Variants in DYRK1A observed in about 807,000 individuals in gnomAD.
DYRK1A encodes the protein dual specificity tyrosine phosphorylation regulated kinase 1A, also known as dual specificity tyrosine-phosphorylation-regulated kinase 1A.
A neutral mutation model predicts 79.7 loss-of-function variants in DYRK1A; 9 were observed. That is an observed-to-expected ratio of 0.11 (90% CI 0.07 to 0.20). DYRK1A has a LOEUF of 0.20. Ranked by LOEUF, DYRK1A falls within the 10% of genes least tolerant of loss-of-function variation. The pLI is 1.00. For missense variants in DYRK1A, 622 were observed against 956.0 expected (o/e 0.65, Z 4.61); for synonymous variants, 349 against 329.7 (o/e 1.06, Z -0.63).
rs148324284 is a variant in DYRK1A at position 37,444,355 on chromosome 21, CTGCAGGAAGGA to C, written c.10+23973_10+23983del. Among the ~76,000 whole-genome samples the C allele has an allele frequency of 9.0e-3, 1,374 of 152,268 alleles. 17 individuals are homozygous for C. The highest frequency in any genetic ancestry group is 0.032 in the African/African-American group (1,321 of 41,548). ...TGGACATTTTAAGAAAGATCAGTAA[CTGCAGGAAGGA>C]TTGGAGGCTTAGGCATCTGGAGTGA... On this transcript the variant is annotated intron_variant, in intron 2 of 11. Coordinates refer to ENST00000647188, the MANE Select transcript of DYRK1A (RefSeq NM_001347721.2).
Position 37,437,987 on chromosome 21 carries a change from T to A in DYRK1A, c.10+17603T>A, listed in dbSNP as rs544432010. Among the ~76,000 whole-genome samples, 7 of 152,326 alleles carry A rather than the reference T, an allele frequency of 4.6e-5. No individual in the cohort carries two copies. The South Asian group carries it at 1.4e-3, about 32-fold the overall frequency. ...CACCAGCAGTTCAGGAGAGTTTCAGTTGCTTCACATTTTGCCATATTTGGT... is the reference window on the plus strand; with the variant it reads ...CACCAGCAGTTCAGGAGAGTTTCAGATGCTTCACATTTTGCCATATTTGGT... On this transcript the variant is annotated intron_variant, in intron 2 of 11. Transcript: ENST00000647188.
intron 2 of DYRK1A, among the ~76,000 whole-genome samples, chr21:37,432,917 A>C (rs1353406974): frequency 6.6e-6 from 1 of 151,498 alleles, no homozygotes; most frequent in Non-Finnish European, 1.5e-5. Flanking sequence ...CGGAAGTTGC[A>C]GTGAGCCGAG....
upstream of DYRK1A, chr21:37,366,004 G>C (rs1342628138): frequency 2.6e-5 from 4 of 152,256 alleles, no homozygotes; most frequent in South Asian, 4.1e-4. Flanking sequence ...GCCCGGCGCA[G>C]CGTCCGGAAT....
intron 1 of DYRK1A, among the ~76,000 whole-genome samples, chr21:37,383,252 T>A (rs2049694622): frequency 6.6e-6 from 1 of 152,206 alleles, no homozygotes; most frequent in Admixed American, 6.5e-5. Flanking sequence ...AGATTCCAGT[T>A]GCAACACTTA....
intron 2 of DYRK1A, among the ~76,000 whole-genome samples, chr21:37,443,577 AT>A (rs1486812155): frequency 2.0e-5 from 3 of 152,062 alleles, no homozygotes; most frequent in Non-Finnish European, 4.4e-5. Flanking sequence ...TACTTCTGAG[AT>A]TTTTTAGGTG....
intron 2 of DYRK1A, among the ~76,000 whole-genome samples, chr21:37,456,545 G>A (rs1441195821): frequency 6.6e-6 from 1 of 152,156 alleles, no homozygotes; most frequent in Non-Finnish European, 1.5e-5. Flanking sequence ...CTAACCCTGC[G>A]TCTTTTTCCC....
rs2049330687 is a variant in DYRK1A at position 37,367,409 on chromosome 21, C to T, written c.-296C>T. ...GGGGCCCGGGGACTGCGGTATTTGC[C>T]GGGGAGGGGGCTGTCGCCTCCCCGG... is the stretch of plus-strand genomic sequence containing the variant. On this transcript the variant is annotated 5_prime_UTR_variant, in exon 1 of 12. Coordinates refer to ENST00000647188, the MANE Select transcript of DYRK1A (RefSeq NM_001347721.2). The T allele has an allele frequency of 1.3e-5, 2 of 148,874 alleles. No homozygotes were observed. Among genetic ancestry groups the T allele is most frequent in the African/African-American group, 2.4e-5 (1 of 41,016 alleles). 9.2% of individuals were successfully genotyped at this position (148,874 alleles called of 1,614,324 possible).
chr21:37,417,529 C>CTTTTTCTTTTTCTTTTTCTTTTTCTTTTT (rs1555959239), intron 1 of DYRK1A, among the ~76,000 whole-genome samples: 4 of 44,046 alleles, frequency 9.1e-5, no homozygotes, highest in Non-Finnish European at 1.2e-4. Context: ...TTTTCTTTTT[C>CTTTTTCTTTTTCTTTTTCTTTTTCTTTTT]TTTTTTTTTT....
chr21:37,512,332 T>C lies in DYRK1A; in HGVS notation c.2066T>C (p.Met689Thr). The C allele has an allele frequency of 1.2e-6, 2 of 1,614,246 alleles. No homozygotes were observed. Among genetic ancestry groups the C allele is most frequent in the East Asian group, 4.5e-5 (2 of 44,888 alleles). The change falls in exon 12 of 12, where the codon ATG becomes ACG. Residue 689 changes from methionine (M) to threonine (T), a missense_variant. Around this residue, in one of 5 missense-constraint regions of DYRK1A, gnomAD observed 292 missense variants for 316.7 expected, o/e 0.92. Coordinates refer to ENST00000647188, the MANE Select transcript of DYRK1A (RefSeq NM_001347721.2). Reference sequence around the variant, plus strand: ...TTGGACTTTGGACAGAATGGAGCTATGGACGTTAATTTGACCGTCTACTCC... The same window carrying C: ...TTGGACTTTGGACAGAATGGAGCTACGGACGTTAATTTGACCGTCTACTCC... ...NTLDFGQNGA[M>T]DVNLTVYSNP...
rs1183029117 is a variant in DYRK1A, at chr21:37,479,606, G to GTTTTTTTTTTTTTTTTTTTTTTT, written c.301-1027_301-1026insTTTTTTTTTTTTTTTTTTTTTTT. On this transcript the variant is annotated intron_variant, in intron 4 of 11. Coordinates refer to ENST00000647188, the MANE Select transcript of DYRK1A (RefSeq NM_001347721.2). ...GTGTTGGTGTTTTGTTTTTGTTTTT[G>GTTTTTTTTTTTTTTTTTTTTTTT]TTTTTGTTTTTTGTTTTTTTTTTTT... Among the ~76,000 whole-genome samples the GTTTTTTTTTTTTTTTTTTTTTTT allele has an allele frequency of 1.2e-3, 32 of 27,596 alleles. 2 individuals carry two copies. Among genetic ancestry groups the GTTTTTTTTTTTTTTTTTTTTTTT allele is most frequent in the East Asian group, 3.4e-3 (3 of 880 alleles). The allele number at this position is 27,596 out of a possible 152,430, so 18.1% of individuals were successfully genotyped here.
rs188224885 is a variant in DYRK1A at position 37,505,241 on chromosome 21, T to G, written c.1213-42T>G. ...TTCAATTATGTGAGTGTTTACGTAT[T>G]CCACCAAATTTAGAGAAAGCCTTTC... On this transcript the variant is annotated intron_variant, in intron 9 of 11. Coordinates refer to ENST00000647188, the MANE Select transcript of DYRK1A (RefSeq NM_001347721.2). 1.9e-3 allele frequency: 2,807 copies of G among 1,495,134 alleles called. 9 individuals are homozygous for G. Among genetic ancestry groups the G allele is most frequent in the Middle Eastern group, 9.3e-3 (52 of 5,582 alleles). 92.6% of individuals were successfully genotyped at this position (1,495,134 alleles called of 1,614,324 possible).
At chr21:37,405,857 C>T (rs920075099) in intron 1 of DYRK1A, among the ~76,000 whole-genome samples, 9 of 152,160 alleles carry the variant, frequency 5.9e-5, no homozygotes, top group Admixed American at 2.0e-4. Context: ...ATCTTCAGTG[C>T]TGGACGTCAT....
chr21:37,371,790 G>T (rs561798785), intron 1 of DYRK1A, among the ~76,000 whole-genome samples: 46 of 147,788 alleles, frequency 3.1e-4, no homozygotes, highest in Non-Finnish European at 5.0e-4. Context: ...ATTGATTTTT[G>T]GGGGGGGCCC....
chr21:37,457,023 T>C (rs1384658617), intron 2 of DYRK1A, among the ~76,000 whole-genome samples: 1 of 70,912 alleles, frequency 1.4e-5, no homozygotes, highest in Non-Finnish European at 3.0e-5. Context: ...TTTACTTACT[T>C]ACTTACTTAC....
intron 2 of DYRK1A, among the ~76,000 whole-genome samples, chr21:37,464,702 A>G (rs2051965401): frequency 6.6e-6 from 1 of 152,212 alleles, no homozygotes; most frequent in Non-Finnish European, 1.5e-5. Context: ...TAGTAGGTTG[A>G]ACCATATGAA....
intron 1 of DYRK1A, among the ~76,000 whole-genome samples, chr21:37,393,578 G>A (rs2049909362): frequency 6.6e-6 from 1 of 152,158 alleles, no homozygotes; most frequent in African/African-American, 2.4e-5. Flanking sequence ...TTCAGAAGAG[G>A]TAGAATGTTT....
At chr21:37,473,460 G>A (rs1374164792) in intron 3 of DYRK1A, among the ~76,000 whole-genome samples, 3 of 152,118 alleles carry the variant, frequency 2.0e-5, no homozygotes, top group Non-Finnish European at 2.9e-5. Flanking sequence ...ATATGTATGT[G>A]TATGTATTTT....
intron 2 of DYRK1A, among the ~76,000 whole-genome samples, chr21:37,462,062 C>G (rs984523082): frequency 5.3e-5 from 8 of 152,088 alleles, no homozygotes; most frequent in Non-Finnish European, 1.2e-4. Flanking sequence ...TTAAGATTCA[C>G]TATTCCCTTA....
chr21:37,490,567 G>GCAAAAA, intron 7 of DYRK1A, 106 bp downstream of exon 7: 1 of 781,452 alleles, frequency 1.3e-6, no homozygotes, highest in South Asian at 6.0e-5. Flanking sequence ...TTTCGCCATT[G>GCAAAAA]CAGTTGCTGT....
Sources: allele counts gnomAD v4.1 joint callset (sites outside exome capture counted in the v4.1 genomes callset), GRCh38; gene constraint gnomAD v4.1.1; regional missense constraint gnomAD v4.1.1; transcripts MANE v1.5; gene names NCBI Gene and HGNC (gene_info 2026-07-23, HGNC 2026-07-21).